MICU3: variants seen among roughly 807,000 people sequenced by gnomAD.
The protein encoded by MICU3 is calcium uptake protein 3, mitochondrial.
MICU3 carries 62 observed loss-of-function variants against 66.5 expected under a neutral mutation model. That is an observed-to-expected ratio of 0.93 (90% confidence interval 0.76 to 1.15). The LOEUF (loss-of-function observed/expected upper bound fraction) is 1.15. Among genes scored for constraint, MICU3 ranks in the 50% most tolerant of loss-of-function variants. The probability of loss-of-function intolerance (pLI) is 0.00; values close to 1 mark genes in which losing one functional copy is unlikely to be tolerated. For missense variants in MICU3, 779 were observed against 664.4 expected (o/e 1.17, Z -1.90); for synonymous variants, 308 against 240.7 (o/e 1.28, Z -2.59).
chr8:17,086,809 A>G (rs2150744143), intron 6 of MICU3, among the ~76,000 whole-genome samples, 155 bp from the exon 7 acceptor site: 1 of 152,214 alleles, frequency 6.6e-6, no homozygotes, highest in East Asian at 1.9e-4. Flanking sequence ...CTTGGGGGAA[A>G]AAACTGAAAT....
In MICU3 at chr8:17,045,244, T is replaced by C. The variant is rs917667345; in HGVS notation, c.381+17584T>C. On this transcript the variant is annotated intron_variant, in intron 1 of 14. Coordinates refer to ENST00000318063, the MANE Select transcript of MICU3 (RefSeq NM_181723.3). ...TCCTGGCTCGTAACTACCATAGTCC[T>C]TGATAAACAGACTCTCTCTCTCTTT... Among the ~76,000 whole-genome samples, 5 of 152,290 alleles carry C rather than the reference T, an allele frequency of 3.3e-5. 1 individual carries two copies. Among genetic ancestry groups the C allele is most frequent in the African/African-American group, 1.2e-4 (5 of 41,564 alleles).
chr8:17,045,058 A>G (rs1178353390), intron 1 of MICU3, among the ~76,000 whole-genome samples: 2 of 151,520 alleles, frequency 1.3e-5, no homozygotes, highest in Non-Finnish European at 2.9e-5. Context: ...TTTTTTTTAA[A>G]GGAAAATTGG....
At position 17,104,945 on chromosome 8, in the gene MICU3, A is replaced by T. The variant is rs1801609757; in HGVS notation, c.1085+454A>T. On this transcript the variant is annotated intron_variant, in intron 10 of 14. Transcript: ENST00000318063. ...GGGAGGCGGAGCTTGCAGTGAGCCGAGATGGCGCCACTGCACTCCAGCCTG... is the reference window on the plus strand; with the variant it reads ...GGGAGGCGGAGCTTGCAGTGAGCCGTGATGGCGCCACTGCACTCCAGCCTG... Among the ~76,000 whole-genome samples the T allele has an allele frequency of 2.9e-5, 3 of 103,220 alleles. 1 individual carries two copies. In the East Asian group the frequency reaches 8.9e-4, roughly 31 times the overall value. The allele number at this position is 103,220 out of a possible 152,430, so 67.7% of individuals were successfully genotyped here.
At chr8:17,070,887 C>T (rs1055771862) in intron 3 of MICU3, among the ~76,000 whole-genome samples, 1 of 151,908 alleles carries the variant, frequency 6.6e-6, no homozygotes, top group Non-Finnish European at 1.5e-5. Context: ...GTTTGGTAGA[C>T]GAGAGAACTA....
chr8:17,070,065 G>A (rs59489719), intron 3 of MICU3, among the ~76,000 whole-genome samples: 22,335 of 151,804 alleles, frequency 0.15, 2,174 homozygotes, highest in East Asian at 0.38. Flanking sequence ...TAGTGCATGC[G>A]CATGTACCTT....
intron 1 of MICU3, among the ~76,000 whole-genome samples, chr8:17,057,564 TAA>T (rs768439434): frequency 3.3e-5 from 5 of 152,202 alleles, no homozygotes; most frequent in South Asian, 2.1e-4. Flanking sequence ...ACAATTAATA[TAA>T]GTTATAATCT....
chr8:17,118,114 T>C (rs1296173561), intron 13 of MICU3, among the ~76,000 whole-genome samples: 2 of 152,216 alleles, frequency 1.3e-5, no homozygotes, highest in Non-Finnish European at 1.5e-5. Context: ...GAAAATCGTT[T>C]ATTTTGCCTC....
intron 1 of MICU3, among the ~76,000 whole-genome samples, chr8:17,045,076 A>G (rs77643168): frequency 0.1 from 15,689 of 152,066 alleles, 871 homozygotes; most frequent in South Asian, 0.22. Flanking sequence ...TGGAGAATGA[A>G]TAATCGGAGG....
chr8:17,090,730 A>G (rs1427210010), intron 8 of MICU3, 146 bp downstream of exon 8: 2 of 512,930 alleles, frequency 3.9e-6, no homozygotes, highest in African/African-American at 3.9e-5. Context: ...CAATGAAGCC[A>G]TAATGTTACA....
chr8:17,126,046 A>AC (rs1217178199), downstream of MICU3, among the ~76,000 whole-genome samples: 5 of 151,498 alleles, frequency 3.3e-5, no homozygotes, highest in East Asian at 1.9e-4. Context: ...AAAAAAAAAA[A>AC]AAAAAACCTC....
intron 9 of MICU3, among the ~76,000 whole-genome samples, chr8:17,101,083 G>T (rs1408192621): frequency 1.3e-5 from 2 of 151,702 alleles, no homozygotes; most frequent in African/African-American, 2.4e-5. Context: ...TATGTTAAAA[G>T]AATATTTTTA....
downstream of MICU3, among the ~76,000 whole-genome samples, chr8:17,126,230 G>C (rs761629485): frequency 6.6e-6 from 1 of 151,994 alleles, no homozygotes; most frequent in Non-Finnish European, 1.5e-5. Context: ...TTAAGCCTTT[G>C]AGGAACTCTG....
intron 1 of MICU3, among the ~76,000 whole-genome samples, chr8:17,055,183 A>G (rs1296526345): frequency 6.6e-6 from 1 of 152,338 alleles, no homozygotes; most frequent in Non-Finnish European, 1.5e-5. Flanking sequence ...AAGAATTTGG[A>G]AAGAGATTAC....
the MICU3 span, among the ~76,000 whole-genome samples, chr8:17,134,677 C>G: frequency 6.6e-6 from 1 of 152,148 alleles, no homozygotes; most frequent in African/African-American, 2.4e-5. Context: ...ATCTCCTGAC[C>G]TCGTGATCCG....
chr8:17,083,751 T>G (rs1252994466), intron 5 of MICU3, among the ~76,000 whole-genome samples: 1 of 152,114 alleles, frequency 6.6e-6, no homozygotes, highest in Non-Finnish European at 1.5e-5. Context: ...GTCCAGTCAA[T>G]GATGCTATCC....
At chr8:17,060,394 T>A (rs545167535) in intron 1 of MICU3, among the ~76,000 whole-genome samples, 13 of 151,826 alleles carry the variant, frequency 8.6e-5, no homozygotes, top group Admixed American at 8.5e-4. Context: ...CCTCCCGGGT[T>A]ACGAGTGATT....
At chr8:17,105,704 T>TTTCATTTTTCATTAATG (rs1801683337) in intron 11 of MICU3, 120 bp downstream of exon 11, 2 of 512,604 alleles carry the variant, frequency 3.9e-6, no homozygotes, top group East Asian at 6.9e-5. Context: ...CTTGGATGTG[T>TTTCATTTTTCATTAATG]TTCATTCTGT....
At chr8:17,118,843 T>C in intron 14 of MICU3, 68 bp downstream of exon 14, 9 of 937,506 alleles carry the variant, frequency 9.6e-6, no homozygotes, top group South Asian at 3.1e-5. Context: ...TTTTCTGTTA[T>C]AACATTTAGA....
chr8:17,075,744 G>A (rs1055900410), intron 3 of MICU3, among the ~76,000 whole-genome samples: 3 of 152,106 alleles, frequency 2.0e-5, no homozygotes, highest in Non-Finnish European at 4.4e-5. Context: ...GTGACCTTGG[G>A]TGTTACTTAT....
Sources: allele counts gnomAD v4.1 joint callset (sites outside exome capture counted in the v4.1 genomes callset), GRCh38; gene constraint gnomAD v4.1.1; transcripts MANE v1.5; gene names NCBI Gene and HGNC (gene_info 2026-07-23, HGNC 2026-07-21).